The following CDH12 variants were observed in gnomAD, a reference collection of about 807,000 sequenced individuals.
CDH12 encodes the protein cadherin 12.
Under a neutral mutation model 74.1 loss-of-function variants are expected in CDH12, and 41 were observed. The observed-to-expected ratio is 0.55, with a 90% CI of 0.43 to 0.72. The LOEUF (loss-of-function observed/expected upper bound fraction) is 0.72, where lower values mean the gene tolerates loss of function less well. Among genes scored for constraint, CDH12 ranks in the 30% least tolerant of loss-of-function variants. The probability of loss-of-function intolerance (pLI) is 0.00; values close to 1 mark genes in which losing one functional copy is unlikely to be tolerated. For missense variants in CDH12, 945 were observed against 977.2 expected, an observed-to-expected ratio of 0.97 and a Z score of 0.44; for synonymous variants, 399 against 355.0, an observed-to-expected ratio of 1.12 and a Z score of -1.39.
intron 3 of CDH12, among the ~76,000 whole-genome samples, chr5:22,330,744 C>CAAAAA (rs1212274101): frequency 3.8e-5 from 2 of 52,352 alleles, no homozygotes; most frequent in African/African-American, 5.6e-5. Context: ...AGCGAGACTC[C>CAAAAA]AAAAAAAAAA....
intron 2 of CDH12, among the ~76,000 whole-genome samples, chr5:22,452,555 T>C (rs1200545542): frequency 6.6e-6 from 1 of 151,940 alleles, no homozygotes; most frequent in Non-Finnish European, 1.5e-5. Flanking sequence ...TTTCTCACCA[T>C]ATACAAAATT....
intron 3 of CDH12, among the ~76,000 whole-genome samples, chr5:22,305,729 G>A (rs533703136): frequency 9.9e-5 from 15 of 152,236 alleles, no homozygotes; most frequent in African/African-American, 3.6e-4. Flanking sequence ...TCCATCACTG[G>A]ATTCACCACA....
chr5:22,459,969 A>AAAATAAAT (rs1044788869), intron 2 of CDH12, among the ~76,000 whole-genome samples: 1 of 152,130 alleles, frequency 6.6e-6, no homozygotes, highest in Non-Finnish European at 1.5e-5. Context: ...CTTCATCTCA[A>AAAATAAAT]AAATAAATAA....
intron 6 of CDH12, among the ~76,000 whole-genome samples, chr5:21,892,693 C>G (rs1183174301): frequency 3.9e-5 from 6 of 152,032 alleles, no homozygotes; most frequent in Non-Finnish European, 8.8e-5. Context: ...AATACTAAAT[C>G]TTTTGGAAAA....
chr5:22,304,593 G>T (rs1738025697), intron 3 of CDH12, among the ~76,000 whole-genome samples: 1 of 152,196 alleles, frequency 6.6e-6, no homozygotes, highest in Admixed American at 6.5e-5. Flanking sequence ...TGAAGGTAAA[G>T]AAACAAACTT....
intron 2 of CDH12, among the ~76,000 whole-genome samples, chr5:22,476,038 C>T (rs554769503): frequency 6.6e-6 from 1 of 152,048 alleles, no homozygotes; most frequent in African/African-American, 2.4e-5. Context: ...TGTATAATTG[C>T]TTTCCAAATT....
chr5:22,492,180 C>T (rs1334058528), intron 2 of CDH12, among the ~76,000 whole-genome samples: 2 of 152,002 alleles, frequency 1.3e-5, no homozygotes, highest in South Asian at 2.1e-4. Flanking sequence ...GAGAATATTT[C>T]CTTCTCACCT....
intron 3 of CDH12, among the ~76,000 whole-genome samples, chr5:22,229,108 C>A (rs908872677): frequency 5.3e-5 from 8 of 151,610 alleles, no homozygotes; most frequent in African/African-American, 1.9e-4. Context: ...TCCCAACATG[C>A]ACTCCCAGTA....
At chr5:21,888,300 T>C (rs1752736291) in intron 6 of CDH12, among the ~76,000 whole-genome samples, 1 of 152,178 alleles carries the variant, frequency 6.6e-6, no homozygotes, top group African/African-American at 2.4e-5. Context: ...CTTAGAGACT[T>C]ACTTTTCAGA....
rs1261896590 is a variant in CDH12, at chr5:22,815,786, T to TA, written c.-523+37271dup. Among the ~76,000 whole-genome samples the TA allele has an allele frequency of 4.6e-4, 61 of 132,356 alleles. 1 individual carries two copies. Among genetic ancestry groups the TA allele is most frequent in the Non-Finnish European group, 7.2e-4 (44 of 61,414 alleles). 86.8% of individuals were successfully genotyped at this position (132,356 alleles called of 152,430 possible). Reference sequence around the variant, plus strand: ...CTCCGTCTCAAAAAAAAAAAAAAAATAAATAAATAATAAAAATAAAAAAAC... The same window carrying TA: ...CTCCGTCTCAAAAAAAAAAAAAAAATAAAATAAATAATAAAAATAAAAAAAC... On this transcript the variant is annotated intron_variant, in intron 1 of 14. Transcript: ENST00000382254.
intron 2 of CDH12, among the ~76,000 whole-genome samples, chr5:22,499,597 G>A (rs144957952): frequency 6.4e-4 from 97 of 152,232 alleles, no homozygotes; most frequent in African/African-American, 2.3e-3. Context: ...CATTCCAGAG[G>A]AAGAAAAAGT....
intron 9 of CDH12, among the ~76,000 whole-genome samples, chr5:21,810,119 A>ATG (rs1178192265): frequency 2.6e-5 from 4 of 151,966 alleles, no homozygotes; most frequent in African/African-American, 7.2e-5. Context: ...ATGCCTGTAA[A>ATG]TGTGTGTGTG....
chr5:22,089,854 T>A lies in CDH12; in HGVS notation c.-186-10992A>T, dbSNP rs899048085. The stretch of plus-strand genomic sequence containing the variant: ...TAAAGAATAAAGTATAGGGAAATTT[T>A]AAAAAAATGAGATTAATTAAAACTA... On this transcript the variant is annotated intron_variant, in intron 4 of 14. Coordinates refer to ENST00000382254, the MANE Select transcript of CDH12 (RefSeq NM_004061.5). Among the ~76,000 whole-genome samples the A allele has an allele frequency of 9.2e-5, 14 of 151,900 alleles. 1 individual carries two copies. Among genetic ancestry groups the A allele is most frequent in the Admixed American group, 7.2e-4 (11 of 15,262 alleles).
intron 6 of CDH12, among the ~76,000 whole-genome samples, chr5:21,886,548 T>A (rs961876584): frequency 8.9e-5 from 13 of 146,764 alleles, no homozygotes; most frequent in African/African-American, 2.0e-4. Flanking sequence ...ATAATATATA[T>A]AAATATATAT....
At chr5:22,757,288 G>T (rs1425424089) in intron 1 of CDH12, among the ~76,000 whole-genome samples, 1 of 152,074 alleles carries the variant, frequency 6.6e-6, no homozygotes, top group Admixed American at 6.5e-5. Flanking sequence ...GTTTGCGTTG[G>T]TCACATGAAA....
chr5:22,814,346 T>G (rs769279196), intron 1 of CDH12, among the ~76,000 whole-genome samples: 28 of 152,314 alleles, frequency 1.8e-4, no homozygotes, highest in Non-Finnish European at 3.2e-4. Flanking sequence ...ATAAAATTTT[T>G]ATAACAACTA....
At chr5:22,006,174 C>A (rs918027096) in intron 5 of CDH12, among the ~76,000 whole-genome samples, 1 of 151,928 alleles carries the variant, frequency 6.6e-6, no homozygotes, top group African/African-American at 2.4e-5. Context: ...TTCAGGCCAC[C>A]TCTCTTCTTT....
intron 7 of CDH12, among the ~76,000 whole-genome samples, chr5:21,848,605 CA>C (rs1205872969): frequency 6.6e-6 from 1 of 151,856 alleles, no homozygotes; most frequent in Admixed American, 6.6e-5. Context: ...TTATGTTCAT[CA>C]TTGCATTTGT....
chr5:22,458,946 AC>A (rs1580670674), intron 2 of CDH12, among the ~76,000 whole-genome samples: 1 of 151,994 alleles, frequency 6.6e-6, no homozygotes, highest in East Asian at 1.9e-4. Flanking sequence ...TCTTTTTCAC[AC>A]ATCTTGAATA....
Sources: allele counts gnomAD v4.1 joint callset (sites outside exome capture counted in the v4.1 genomes callset), GRCh38; gene constraint gnomAD v4.1.1; transcripts MANE v1.5; gene names NCBI Gene and HGNC (gene_info 2026-07-23, HGNC 2026-07-21).